The following ADPGK variants were observed in gnomAD, a reference collection of about 807,000 sequenced individuals.
ADPGK encodes ADP-dependent glucokinase.
Under a neutral mutation model 42.4 loss-of-function variants are expected in ADPGK, and 26 were observed. The observed-to-expected ratio is 0.61, with a 90% confidence interval of 0.45 to 0.85. ADPGK has a LOEUF of 0.85. ADPGK is among the 40% of genes least tolerant of loss of function. The probability of loss-of-function intolerance (pLI) is 0.00; values close to 1 mark genes in which losing one functional copy is unlikely to be tolerated. For synonymous variants in ADPGK, 267 were observed against 252.6 expected, an observed-to-expected ratio of 1.06 and a Z score of -0.54; for missense variants, 571 against 627.0, an observed-to-expected ratio of 0.91 and a Z score of 0.95.
At chr15:72,764,273 T>C (rs1216255756) in intron 3 of ADPGK, among the ~76,000 whole-genome samples, 1 of 152,216 alleles carries the variant, frequency 6.6e-6, no homozygotes, top group Non-Finnish European at 1.5e-5. Flanking sequence ...CTAGTGAACA[T>C]ACGAATGTAA....
chr15:72,756,001 G>T, intron 5 of ADPGK: 1 of 677,706 alleles, frequency 1.5e-6, no homozygotes, highest in Admixed American at 2.0e-5. Flanking sequence ...TGCAGCCATG[G>T]TCGGTTTAGC....
At chr15:72,777,382 G>A (rs2066403087) in intron 1 of ADPGK, among the ~76,000 whole-genome samples, 1 of 152,108 alleles carries the variant, frequency 6.6e-6, no homozygotes, top group Non-Finnish European at 1.5e-5. Flanking sequence ...ACCTGTCTTT[G>A]AAAATAACTA....
intron 3 of ADPGK, among the ~76,000 whole-genome samples, chr15:72,767,344 A>G (rs897563971): frequency 2.0e-5 from 3 of 151,736 alleles, no homozygotes; most frequent in African/African-American, 7.3e-5. Context: ...ACAGTTGGAG[A>G]CGTCAACATA....
chr15:72,763,016 A>G (rs903314856), intron 3 of ADPGK, among the ~76,000 whole-genome samples: 1 of 152,156 alleles, frequency 6.6e-6, no homozygotes, highest in African/African-American at 2.4e-5. Context: ...AGCCCTACAA[A>G]TGTCTTAGCA....
At chr15:72,781,052 T>C (rs972880215) in intron 1 of ADPGK, among the ~76,000 whole-genome samples, 5 of 152,186 alleles carry the variant, frequency 3.3e-5, no homozygotes, top group Admixed American at 2.6e-4. Context: ...AGAGTGTGAA[T>C]ACGAGTGTGT....
At chr15:72,766,143 A>C (rs1201397238) in intron 3 of ADPGK, among the ~76,000 whole-genome samples, 1 of 152,046 alleles carries the variant, frequency 6.6e-6, no homozygotes, top group Non-Finnish European at 1.5e-5. Context: ...ATGCGCCACC[A>C]TGCCTAGCTA....
At chr15:72,779,007 T>C (rs960484198) in intron 1 of ADPGK, among the ~76,000 whole-genome samples, 1 of 152,154 alleles carries the variant, frequency 6.6e-6, no homozygotes, top group Admixed American at 6.5e-5. Flanking sequence ...TTAACTAACA[T>C]TCCAAAGCCC....
In ADPGK at chr15:72,775,105, GA is replaced by G; in HGVS notation, c.234-9del. 1 of 1,612,320 alleles carries G rather than the reference GA, an allele frequency of 6.2e-7. No homozygotes were observed. Among genetic ancestry groups the G allele is most frequent in the Non-Finnish European group, 8.5e-7 (1 of 1,178,776 alleles). On this transcript the variant is annotated splice_polypyrimidine_tract_variant and intron_variant, in intron 1 of 6. Transcript: ENST00000456471. ...TCAACACATGCATTGACTCTAGAAG[GA>G]GGAAAAAAACTGTGTGAAAGCAGCA...
intron 1 of ADPGK, chr15:72,782,986 C>T (rs939474869): frequency 3.2e-5 from 5 of 157,160 alleles, no homozygotes; most frequent in African/African-American, 9.6e-5. Context: ...AAAGGCAAAT[C>T]TGAGAGGAGT....
chr15:72,752,078 C>G lies in ADPGK; in HGVS notation c.*263G>C. The G allele has an allele frequency of 2.3e-6, 1 of 440,056 alleles. No homozygotes were observed. The highest frequency in any genetic ancestry group is 3.3e-5 in the South Asian group (1 of 30,596). 27.3% of individuals were successfully genotyped at this position (440,056 alleles called of 1,614,324 possible). A position where few individuals can be genotyped will look rare whatever the true frequency, so the allele number is the denominator to read the frequency against. On this transcript the variant is annotated 3_prime_UTR_variant, in exon 7 of 7. Coordinates refer to ENST00000456471, the MANE Select transcript of ADPGK (RefSeq NM_001365225.1). ...GGTGAAGAAGTTTAGCTTAAAATAC[C>G]TGATGGCGCTGCATAAACTGGGGAT...
rs2066048953 is a variant in ADPGK at position 72,751,809 on chromosome 15, GA to G, written c.*531del. 1 of 154,848 alleles carries G rather than the reference GA, an allele frequency of 6.5e-6. No individual in the cohort carries two copies. Among genetic ancestry groups the G allele is most frequent in the African/African-American group, 2.4e-5 (1 of 41,464 alleles). 9.6% of individuals were successfully genotyped at this position (154,848 alleles called of 1,614,324 possible). On this transcript the variant is annotated 3_prime_UTR_variant, in exon 7 of 7. Coordinates refer to ENST00000456471, the MANE Select transcript of ADPGK (RefSeq NM_001365225.1). ...TGCTGCCATCATAAAGCACGGGAGG[GA>G]TTGTTTTGTCCTTAGCGGCTCTGTC...
chr15:72,758,441 G>T lies in ADPGK; in HGVS notation c.643+1966C>A. ...TAAGAGAGAATGTGGAAAAAAAAAT[G>T]GACAAATCCCTTGGAATTTCCCTAT... is the stretch of plus-strand genomic sequence containing the variant. On this transcript the variant is annotated intron_variant, in intron 4 of 6. Coordinates refer to ENST00000456471, the MANE Select transcript of ADPGK (RefSeq NM_001365225.1). 3 of 417,680 alleles carry T rather than the reference G, an allele frequency of 7.2e-6. No homozygotes were observed. The South Asian group carries it at 7.5e-5, about 10-fold the overall frequency. The allele number at this position is 417,680 out of a possible 1,614,324, so 25.9% of individuals were successfully genotyped here.
Position 72,752,718 on chromosome 15 carries a change from C to T in ADPGK, c.1117G>A (p.Ala373Thr), listed in dbSNP as rs766783380. 6.2e-7 allele frequency: 1 copy of T among 1,614,230 alleles called. No individual in the cohort carries two copies. Among genetic ancestry groups the T allele is most frequent in the South Asian group, 1.1e-5 (1 of 91,086 alleles). ...AAATGGATCCTGGTGAGATCCGAGG[C>T]TCTGCTTTTACTCCTCCCATGTTCT... is the stretch of plus-strand genomic sequence containing the variant. ...LKEHGRSKSR[A>T]SDLTRIHFHT... is the part of the protein sequence containing the mutation. The change falls in exon 7 of 7, where the codon GCC becomes ACC. Residue 373 changes from alanine (A) to threonine (T), a missense_variant. Ala to Thr is a moderately conservative substitution (Grantham distance 58, BLOSUM62 0). This residue lies in a region of ADPGK where 434 missense variants were observed against 522.7 expected (regional missense o/e 0.83). Coordinates refer to ENST00000456471, the MANE Select transcript of ADPGK (RefSeq NM_001365225.1).
chr15:72,759,973 A>C (rs374636577), intron 4 of ADPGK, among the ~76,000 whole-genome samples: 7 of 152,246 alleles, frequency 4.6e-5, no homozygotes, highest in African/African-American at 1.7e-4. Context: ...GAAACTTGCC[A>C]GAAGCTTGGA....
At chr15:72,760,631 A>T in intron 3 of ADPGK, 104 bp from the exon 4 acceptor site, 2 of 1,360,626 alleles carry the variant, frequency 1.5e-6, no homozygotes, top group Non-Finnish European at 1.9e-6. Flanking sequence ...TAATCATTTC[A>T]ACAAAATATT....
chr15:72,754,883 T>C (rs2066091888), intron 6 of ADPGK, among the ~76,000 whole-genome samples: 1 of 152,170 alleles, frequency 6.6e-6, no homozygotes, highest in South Asian at 2.1e-4. Flanking sequence ...TTTCTTATAC[T>C]TGTACAAAAG....
intron 1 of ADPGK, among the ~76,000 whole-genome samples, chr15:72,781,114 A>G (rs1260794683): frequency 1.3e-5 from 2 of 152,172 alleles, no homozygotes; most frequent in African/African-American, 4.8e-5. Flanking sequence ...TACAAGTACT[A>G]CACCTGCTCC....
At chr15:72,767,312 A>G (rs1360894435) in intron 3 of ADPGK, among the ~76,000 whole-genome samples, 1 of 152,140 alleles carries the variant, frequency 6.6e-6, no homozygotes, top group East Asian at 1.9e-4. Flanking sequence ...ACTATAAAGG[A>G]AATAGACAAG....
chr15:72,757,833 G>A (rs548808579), intron 4 of ADPGK: 9 of 398,330 alleles, frequency 2.3e-5, no homozygotes, highest in East Asian at 4.7e-5. Flanking sequence ...TAGGAAACAC[G>A]ACCTAACTGA....
Sources: allele counts gnomAD v4.1 joint callset (sites outside exome capture counted in the v4.1 genomes callset), GRCh38; gene constraint gnomAD v4.1.1; regional missense constraint gnomAD v4.1.1; transcripts MANE v1.5; gene names NCBI Gene and HGNC (gene_info 2026-07-23, HGNC 2026-07-21).